Variants in MEI1 observed in about 807,000 individuals in gnomAD.
MEI1 encodes the protein meiosis inhibitor protein 1.
In MEI1, 103 loss-of-function variants were observed where a neutral mutation model predicts 146.2. That is an observed-to-expected ratio of 0.70 (90% CI 0.60 to 0.83). The LOEUF (loss-of-function observed/expected upper bound fraction) is 0.83, where lower values mean the gene tolerates loss of function less well. MEI1 is among the 40% of genes least tolerant of loss of function. The pLI is 0.00. For missense variants in MEI1, 1,529 were observed against 1,533.0 expected (o/e 1.00, Z 0.04); for synonymous variants, 652 against 628.2 (o/e 1.04, Z -0.57).
chr22:41,794,485 C>T lies in MEI1; in HGVS notation c.3534+8C>T, dbSNP rs2076295928. On this transcript the variant is annotated splice_region_variant and intron_variant, in intron 28 of 30. Coordinates refer to ENST00000401548, the MANE Select transcript of MEI1 (RefSeq NM_152513.4). Reference sequence around the variant, plus strand: ...TTGAGGCTCATGACCCTGGTAAGTGCAGAAAGGATATCTTGTGGTCTGAGG... The same window carrying T: ...TTGAGGCTCATGACCCTGGTAAGTGTAGAAAGGATATCTTGTGGTCTGAGG... 1 of 1,607,290 alleles carries T rather than the reference C, an allele frequency of 6.2e-7. No individual in the cohort carries two copies. The highest frequency in any genetic ancestry group is 1.3e-5 in the African/African-American group (1 of 74,768).
intron 26 of MEI1, among the ~76,000 whole-genome samples, chr22:41,789,040 G>A (rs150579180): frequency 0.018 from 2,700 of 152,236 alleles, 53 homozygotes; most frequent in Admixed American, 0.059. Context: ...AAGGCCAGGC[G>A]CAGTGGCTCA....
chr22:41,713,051 C>T (rs1220264019), intron 3 of MEI1, among the ~76,000 whole-genome samples: 1 of 151,990 alleles, frequency 6.6e-6, no homozygotes, highest in Non-Finnish European at 1.5e-5. Context: ...CCTCGTGATC[C>T]GCCCATCTCG....
At chr22:41,700,430 A>C (rs1486035855) in intron 1 of MEI1, among the ~76,000 whole-genome samples, 1 of 152,174 alleles carries the variant, frequency 6.6e-6, no homozygotes, top group Non-Finnish European at 1.5e-5. Context: ...TCCTGGGTTC[A>C]AGCGATTCTC....
chr22:41,715,962 T>C, intron 4 of MEI1, 79 bp from the exon 5 acceptor site: 1 of 1,023,142 alleles, frequency 9.8e-7, no homozygotes, highest in Non-Finnish European at 1.5e-6. Flanking sequence ...GGCATTGGTG[T>C]GGGTAGGGAA....
chr22:41,752,751 C>T (rs2073854212), intron 16 of MEI1, 100 bp downstream of exon 16: 2 of 1,043,212 alleles, frequency 1.9e-6, no homozygotes, highest in Non-Finnish European at 2.9e-6. Context: ...GTCATGGGCT[C>T]ATGGTGGTGT....
intron 26 of MEI1, among the ~76,000 whole-genome samples, chr22:41,792,257 C>G (rs1363590076): frequency 6.6e-6 from 1 of 152,176 alleles, no homozygotes; most frequent in Non-Finnish European, 1.5e-5. Flanking sequence ...CCAAAGCAGC[C>G]TGGTGGCACC....
chr22:41,753,279 G>A (rs1398433246), intron 16 of MEI1, among the ~76,000 whole-genome samples: 2 of 152,054 alleles, frequency 1.3e-5, no homozygotes, highest in African/African-American at 4.8e-5. Flanking sequence ...TGGGATTACA[G>A]GCGTGAGCCA....
At chr22:41,741,065 C>T (rs946654256) in intron 11 of MEI1, among the ~76,000 whole-genome samples, 1 of 152,190 alleles carries the variant, frequency 6.6e-6, no homozygotes, top group Non-Finnish European at 1.5e-5. Context: ...CACGCGCCAC[C>T]ATGCCCAGCT....
chr22:41,749,821 C>G (rs2073623136), intron 15 of MEI1, among the ~76,000 whole-genome samples: 1 of 151,568 alleles, frequency 6.6e-6, no homozygotes, highest in Non-Finnish European at 1.5e-5. Flanking sequence ...AAGGTAATGC[C>G]TGGCTTCTGG....
intron 24 of MEI1, among the ~76,000 whole-genome samples, chr22:41,783,679 G>A (rs1199071776): frequency 6.6e-6 from 1 of 152,020 alleles, no homozygotes; most frequent in African/African-American, 2.4e-5. Context: ...AGGTAGCAAA[G>A]CCAGGATTTT....
chr22:41,773,121 A>G (rs983194940), intron 20 of MEI1, among the ~76,000 whole-genome samples: 1 of 152,124 alleles, frequency 6.6e-6, no homozygotes, highest in South Asian at 2.1e-4. Context: ...ATGCCCCACC[A>G]TTTATCCTGG....
intron 26 of MEI1, 53 bp downstream of exon 26, chr22:41,784,836 G>A (rs762017358): frequency 3.4e-6 from 5 of 1,462,010 alleles, no homozygotes; most frequent in South Asian, 1.4e-5. Context: ...AGCAGGAAGG[G>A]GTGGCTGCCT....
chr22:41,700,139 A>C (rs950750881), intron 1 of MEI1, among the ~76,000 whole-genome samples: 7 of 152,130 alleles, frequency 4.6e-5, no homozygotes, highest in Non-Finnish European at 1.0e-4. Flanking sequence ...CCAGGGGCGC[A>C]TGCGGCGGCC....
At position 41,699,731 on chromosome 22, in the gene MEI1, C is replaced by T. The variant is rs753041887; in HGVS notation, c.174+19C>T. On this transcript the variant is annotated intron_variant, in intron 1 of 30. Coordinates refer to ENST00000401548, the MANE Select transcript of MEI1 (RefSeq NM_152513.4). ...CGTGTCGGTGCGGGCGGAACCTTTTCTTCAGAAGACCTGGGTTTGGCCATT... is the reference window on the plus strand; with the variant it reads ...CGTGTCGGTGCGGGCGGAACCTTTTTTTCAGAAGACCTGGGTTTGGCCATT... 4.5e-5 allele frequency: 69 copies of T among 1,539,864 alleles called. No homozygotes were observed. The highest frequency in any genetic ancestry group is 5.9e-5 in the Non-Finnish European group (67 of 1,144,814).
intron 26 of MEI1, among the ~76,000 whole-genome samples, chr22:41,785,419 C>CG (rs2075930547): frequency 6.8e-6 from 1 of 146,626 alleles, no homozygotes; most frequent in South Asian, 2.2e-4. Context: ...GCCACCACCA[C>CG]GCCCGGCTAA....
At chr22:41,721,039 A>G (rs1020997325) in intron 6 of MEI1, among the ~76,000 whole-genome samples, 14 of 149,756 alleles carry the variant, frequency 9.3e-5, no homozygotes, top group Non-Finnish European at 3.0e-5. Flanking sequence ...TCGGCCTCCC[A>G]AAGTGCTGGG....
chr22:41,772,737 T>C (rs1315083376), intron 20 of MEI1, among the ~76,000 whole-genome samples: 1 of 152,222 alleles, frequency 6.6e-6, no homozygotes, highest in Non-Finnish European at 1.5e-5. Context: ...AGTTGTTCTG[T>C]CTGAGGCTCT....
intron 12 of MEI1, among the ~76,000 whole-genome samples, chr22:41,743,939 C>T (rs1295922110): frequency 2.6e-5 from 4 of 151,940 alleles, no homozygotes; most frequent in South Asian, 4.1e-4. Flanking sequence ...TGCAGTGGCA[C>T]GATCTCGACT....
Position 41,702,435 on chromosome 22 carries a change from G to A in MEI1, c.175-896G>A, listed in dbSNP as rs150135342. Among the ~76,000 whole-genome samples the A allele has an allele frequency of 1.7e-3, 256 of 150,812 alleles. 13 individuals carry two copies. The South Asian group carries it at 0.04, about 23-fold the overall frequency. On this transcript the variant is annotated intron_variant, in intron 1 of 30. Coordinates refer to ENST00000401548, the MANE Select transcript of MEI1 (RefSeq NM_152513.4). Reference sequence around the variant, plus strand: ...ATTACAGGTGTGAGCCACTGCACCCGGCTTGAACACACTTTTTTTCTTTTT... The same window carrying A: ...ATTACAGGTGTGAGCCACTGCACCCAGCTTGAACACACTTTTTTTCTTTTT...
Sources: gnomAD v4.1 joint callset for allele counts (sites outside exome capture counted in the v4.1 genomes callset) on GRCh38, gnomAD v4.1.1 for gene constraint, MANE v1.5 for transcripts, NCBI Gene and HGNC (gene_info 2026-07-23, HGNC 2026-07-21) for gene names.